IMMP2L: variants seen among roughly 807,000 people sequenced by gnomAD.
IMMP2L encodes the protein mitochondrial inner membrane protease subunit 2.
In IMMP2L, 18 loss-of-function variants were observed where a neutral mutation model predicts 19.3. The ratio of observed to expected loss-of-function variants is 0.93; its 90% CI spans 0.64 to 1.38. The LOEUF is 1.38. IMMP2L is among the 40% of genes most tolerant of loss of function. The pLI is 0.00. For synonymous variants in IMMP2L, 76 were observed against 73.0 expected (o/e 1.04, Z -0.21); for missense variants, 233 against 218.2 (o/e 1.07, Z -0.43).
chr7:111,446,603 G>A (rs1336322668), intron 3 of IMMP2L, among the ~76,000 whole-genome samples: 4 of 151,988 alleles, frequency 2.6e-5, no homozygotes, highest in African/African-American at 4.8e-5. Flanking sequence ...CACAAAGATG[G>A]AGAAAAAACA....
intron 3 of IMMP2L, among the ~76,000 whole-genome samples, chr7:110,982,866 T>C (rs2129558323): frequency 6.6e-6 from 1 of 152,226 alleles, no homozygotes; most frequent in African/African-American, 2.4e-5. Context: ...AGTCACATAA[T>C]TCTTCTCATC....
At chr7:110,784,041 G>A (rs1471572576) in intron 5 of IMMP2L, among the ~76,000 whole-genome samples, 1 of 151,866 alleles carries the variant, frequency 6.6e-6, no homozygotes, top group African/African-American at 2.4e-5. Flanking sequence ...AAGGACCTTA[G>A]TGGGTCATGC....
intron 3 of IMMP2L, among the ~76,000 whole-genome samples, chr7:110,968,855 G>A (rs79970646): frequency 0.017 from 2,526 of 152,108 alleles, 59 homozygotes; most frequent in Admixed American, 0.06. Context: ...CTATCACATC[G>A]TAGGTACTCA....
intron 3 of IMMP2L, among the ~76,000 whole-genome samples, chr7:111,092,720 G>A (rs1796996529): frequency 6.6e-6 from 1 of 152,126 alleles, no homozygotes; most frequent in Non-Finnish European, 1.5e-5. Flanking sequence ...ATCTTGTAAA[G>A]GGAAGCCAGC....
intron 3 of IMMP2L, among the ~76,000 whole-genome samples, chr7:111,065,240 T>C (rs1050906496): frequency 4.6e-5 from 7 of 152,264 alleles, no homozygotes; most frequent in African/African-American, 1.4e-4. Flanking sequence ...ATAAGATTTA[T>C]TGACTTCATA....
At chr7:110,841,268 A>T (rs1370554523) in intron 5 of IMMP2L, among the ~76,000 whole-genome samples, 3 of 152,058 alleles carry the variant, frequency 2.0e-5, no homozygotes, top group Non-Finnish European at 2.9e-5. Context: ...CATATCCATC[A>T]TCTCACATAG....
chr7:111,083,772 T>C lies in IMMP2L; in HGVS notation c.240-120207A>G, dbSNP rs560155979. 2.6e-5 allele frequency among the ~76,000 whole-genome samples: 4 copies of C among 152,336 alleles called. No homozygotes were observed. In the South Asian group the frequency reaches 8.3e-4, roughly 32 times the overall value. The stretch of plus-strand genomic sequence containing the variant: ...CTTGCATCGAGTTAAACTCAACAAA[T>C]GCTATTTAATATTATTCTAGGTACT... On this transcript the variant is annotated intron_variant, in intron 3 of 5. Coordinates refer to ENST00000405709, the MANE Select transcript of IMMP2L (RefSeq NM_032549.4).
intron 5 of IMMP2L, among the ~76,000 whole-genome samples, chr7:110,815,344 G>C (rs1442459766): frequency 6.6e-6 from 1 of 152,042 alleles, no homozygotes; most frequent in African/African-American, 2.4e-5. Flanking sequence ...TAAGCTTTTT[G>C]ATGTGCTGCT....
intron 3 of IMMP2L, among the ~76,000 whole-genome samples, chr7:111,165,357 G>A (rs767529997): frequency 4.6e-5 from 7 of 151,932 alleles, no homozygotes; most frequent in African/African-American, 7.2e-5. Context: ...GCATTTTGGC[G>A]ATTCTGAATA....
chr7:111,450,658 T>A (rs1388772021), intron 3 of IMMP2L, among the ~76,000 whole-genome samples: 1 of 149,810 alleles, frequency 6.7e-6, no homozygotes, highest in Non-Finnish European at 1.5e-5. Flanking sequence ...GGCAAGGACT[T>A]CATGTCCAAA....
In IMMP2L at chr7:110,929,325, T is replaced by A. The variant is rs1174599014; in HGVS notation, c.305+34175A>T. Among the ~76,000 whole-genome samples the A allele has an allele frequency of 9.2e-5, 14 of 152,274 alleles. No individual in the cohort carries two copies. The East Asian group carries it at 2.7e-3, about 29-fold the overall frequency. On this transcript the variant is annotated intron_variant, in intron 4 of 5. Coordinates refer to ENST00000405709, the MANE Select transcript of IMMP2L (RefSeq NM_032549.4). ...CTTTCATCATAATCAACAAACATAG[T>A]ACACAGAATTAAGTAACACTAAGAT...
chr7:111,264,381 A>G (rs1817623079), intron 3 of IMMP2L, among the ~76,000 whole-genome samples: 1 of 152,166 alleles, frequency 6.6e-6, no homozygotes, highest in Non-Finnish European at 1.5e-5. Flanking sequence ...GGTACAGAAG[A>G]TATTTCCAAA....
intron 5 of IMMP2L, among the ~76,000 whole-genome samples, chr7:110,677,854 C>A (rs1444991048): frequency 6.6e-6 from 1 of 152,124 alleles, no homozygotes; most frequent in African/African-American, 2.4e-5. Context: ...CTAAAAGGCA[C>A]AGAGTCAGGG....
chr7:111,137,609 T>A (rs936477146), intron 3 of IMMP2L, among the ~76,000 whole-genome samples: 1 of 152,150 alleles, frequency 6.6e-6, no homozygotes, highest in African/African-American at 2.4e-5. Context: ...ATTTGAGGAA[T>A]AAAAATATTA....
rs183006661 is a variant in IMMP2L at position 111,492,915 on chromosome 7, T to C, written c.136-5574A>G. Among the ~76,000 whole-genome samples, 85 of 152,290 alleles carry C rather than the reference T, an allele frequency of 5.6e-4. 2 individuals are homozygous for C. Among genetic ancestry groups the C allele is most frequent in the African/African-American group, 1.9e-3 (79 of 41,580 alleles). On this transcript the variant is annotated intron_variant, in intron 2 of 5. Coordinates refer to ENST00000405709, the MANE Select transcript of IMMP2L (RefSeq NM_032549.4). ...CTCCCATAGCAATGCAGGTACTTAA[T>C]AGGTATCTGCCTACAGATAAGACTC...
At chr7:111,307,936 C>T (rs924211906) in intron 3 of IMMP2L, among the ~76,000 whole-genome samples, 1 of 151,830 alleles carries the variant, frequency 6.6e-6, no homozygotes, top group African/African-American at 2.4e-5. Context: ...GATTTGAATA[C>T]ATATACAGAA....
At chr7:111,045,600 G>A (rs983079655) in intron 3 of IMMP2L, among the ~76,000 whole-genome samples, 1 of 152,162 alleles carries the variant, frequency 6.6e-6, no homozygotes, top group Admixed American at 6.5e-5. Context: ...AGTAAAAACA[G>A]GAGGCAGGAG....
intron 3 of IMMP2L, among the ~76,000 whole-genome samples, chr7:111,071,763 G>GT (rs780526168): frequency 1.3e-4 from 19 of 151,118 alleles, no homozygotes; most frequent in Middle Eastern, 3.4e-3. Context: ...AATGGGTACA[G>GT]TTTTTTTTTG....
intron 3 of IMMP2L, among the ~76,000 whole-genome samples, chr7:111,281,834 C>T (rs1385453204): frequency 6.6e-6 from 1 of 152,082 alleles, no homozygotes; most frequent in Non-Finnish European, 1.5e-5. Context: ...CAGCTCTTCT[C>T]TAAAGGTGAC....
Sources: gnomAD v4.1 joint callset for allele counts (sites outside exome capture counted in the v4.1 genomes callset) on GRCh38, gnomAD v4.1.1 for gene constraint, MANE v1.5 for transcripts, NCBI Gene and HGNC (gene_info 2026-07-23, HGNC 2026-07-21) for gene names.